Variants in CRYL1 observed in about 807,000 individuals in gnomAD.
CRYL1 encodes the protein lambda-crystallin homolog.
A neutral mutation model predicts 36.6 loss-of-function variants in CRYL1; 29 were observed. The observed-to-expected ratio is 0.79, with a 90% CI of 0.59 to 1.08. The LOEUF (loss-of-function observed/expected upper bound fraction) is 1.08, where lower values mean the gene tolerates loss of function less well. CRYL1 is among the 50% of genes least tolerant of loss of function. CRYL1 has a pLI of 0.00. For missense variants in CRYL1, 411 were observed against 407.9 expected (o/e 1.01, Z -0.06); for synonymous variants, 152 against 151.5 (o/e 1.00, Z -0.02).
At chr13:20,437,371 G>T (rs540961696) in intron 4 of CRYL1, among the ~76,000 whole-genome samples, 6 of 150,754 alleles carry the variant, frequency 4.0e-5, no homozygotes, top group African/African-American at 1.5e-4. Flanking sequence ...GCAGTGGCGC[G>T]ATCTCGGCTC....
At chr13:20,438,160 G>A (rs1054284731) in intron 4 of CRYL1, among the ~76,000 whole-genome samples, 1 of 152,098 alleles carries the variant, frequency 6.6e-6, no homozygotes, top group Non-Finnish European at 1.5e-5. Context: ...TATGTCCCAG[G>A]ACCATGCAGC....
intron 3 of CRYL1, among the ~76,000 whole-genome samples, chr13:20,449,652 C>T (rs777936765): frequency 2.6e-5 from 4 of 151,794 alleles, no homozygotes; most frequent in East Asian, 1.9e-4. Context: ...AAGAAGTAAT[C>T]GAATTTATTC....
chr13:20,457,438 T>C (rs913121815), intron 3 of CRYL1, among the ~76,000 whole-genome samples: 5 of 152,166 alleles, frequency 3.3e-5, no homozygotes, highest in Non-Finnish European at 7.4e-5. Context: ...TAATAATTAA[T>C]GAGACTTCAA....
At chr13:20,505,176 C>G (rs1291156593) in intron 2 of CRYL1, among the ~76,000 whole-genome samples, 1 of 151,864 alleles carries the variant, frequency 6.6e-6, no homozygotes, top group Non-Finnish European at 1.5e-5. Context: ...GCCAACATGG[C>G]AAAACCCCAT....
At chr13:20,522,569 G>C (rs186675657) in intron 1 of CRYL1, among the ~76,000 whole-genome samples, 3 of 152,126 alleles carry the variant, frequency 2.0e-5, no homozygotes, top group Non-Finnish European at 4.4e-5. Flanking sequence ...TTGGGACCAC[G>C]CATGGTGGAT....
At chr13:20,475,847 A>T (rs1565976918) in intron 3 of CRYL1, among the ~76,000 whole-genome samples, 1 of 152,210 alleles carries the variant, frequency 6.6e-6, no homozygotes, top group Non-Finnish European at 1.5e-5. Context: ...GCAAAGCAAG[A>T]AGCAAAAGGC....
intron 3 of CRYL1, among the ~76,000 whole-genome samples, chr13:20,476,608 C>A (rs2033172540): frequency 6.6e-6 from 1 of 152,208 alleles, no homozygotes; most frequent in Non-Finnish European, 1.5e-5. Context: ...GCTAGGTGAG[C>A]AGCAGGGAGC....
intron 2 of CRYL1, among the ~76,000 whole-genome samples, chr13:20,507,884 CT>C (rs2033830941): frequency 6.6e-6 from 1 of 150,504 alleles, no homozygotes; most frequent in South Asian, 2.1e-4. Flanking sequence ...AGCCACTGCA[CT>C]CCAGCCTGGG....
intron 5 of CRYL1, among the ~76,000 whole-genome samples, chr13:20,419,931 A>G (rs893564756): frequency 6.6e-6 from 1 of 152,220 alleles, no homozygotes; most frequent in Admixed American, 6.5e-5. Context: ...CACCCACGCC[A>G]CCTTCCAGGG....
chr13:20,507,070 G>A (rs995374393), intron 2 of CRYL1, among the ~76,000 whole-genome samples: 1 of 152,176 alleles, frequency 6.6e-6, no homozygotes, highest in Non-Finnish European at 1.5e-5. Flanking sequence ...CACTCTGTGA[G>A]ATGTGCCGTT....
In CRYL1 at chr13:20,492,679, C is replaced by T. The variant is rs546593012; in HGVS notation, c.150-3183G>A. Among the ~76,000 whole-genome samples the T allele has an allele frequency of 2.0e-5, 3 of 152,300 alleles. No homozygotes were observed. In the South Asian group the frequency reaches 6.2e-4, roughly 32 times the overall value. ...AGCCAGCTATTCCAGGATAATCTCC[C>T]CATCTTGCCATTCTTAATTCAATTA... On this transcript the variant is annotated intron_variant, in intron 2 of 7. Coordinates refer to ENST00000298248, the MANE Select transcript of CRYL1 (RefSeq NM_015974.3).
chr13:20,432,282 G>A lies in CRYL1; in HGVS notation c.453C>T (p.Tyr151=), dbSNP rs764026516. The A allele has an allele frequency of 1.9e-6, 3 of 1,612,154 alleles. No individual in the cohort carries two copies. The highest frequency in any genetic ancestry group is 3.3e-5 in the Admixed American group (2 of 59,902). ...GGACCAGCTCAACCAGCGGGATGTA[G>A]TATGGCGGATTCACCTTAGGAGAGA... The part of the protein sequence containing the change: ...CIVAHPVNPP[Y]YIPLVELVPH... Residue 151 remains tyrosine (Y), a synonymous_variant, in exon 5 of 8, where the codon TAC becomes TAT. Transcript: ENST00000298248.
intron 3 of CRYL1, among the ~76,000 whole-genome samples, chr13:20,451,228 A>T (rs1008871863): frequency 2.0e-4 from 30 of 151,996 alleles, no homozygotes; most frequent in African/African-American, 3.4e-4. Context: ...AATAATAATT[A>T]AAAAAAGGAA....
intron 5 of CRYL1, among the ~76,000 whole-genome samples, chr13:20,429,014 C>T (rs1410296514): frequency 2.0e-5 from 3 of 152,188 alleles, no homozygotes; most frequent in African/African-American, 7.2e-5. Context: ...GAAACAGAAG[C>T]GCCCACACCA....
At position 20,432,155 on chromosome 13, in the gene CRYL1, C is replaced by G. The variant is rs368163512; in HGVS notation, c.580G>C (p.Val194Leu). The G allele has an allele frequency of 6.2e-7, 1 of 1,614,116 alleles. No individual in the cohort carries two copies. The highest frequency in any genetic ancestry group is 8.5e-7 in the Non-Finnish European group (1 of 1,180,022). ...ATTGCATATTGCAGGCGGTTCAGAA[C>G]GAAGCCGGCCACCTCCTTCTGGACT... ...MRVQKEVAGF[V>L]LNRLQYAIIS... The change falls in exon 5 of 8, where the codon GTT (valine) becomes CTT (leucine). Residue 194 changes from valine (V) to leucine (L), a missense_variant. Coordinates refer to ENST00000298248, the MANE Select transcript of CRYL1 (RefSeq NM_015974.3).
chr13:20,525,723 AG>A lies in CRYL1; in HGVS notation c.41+30del, dbSNP rs1489541868. 6 of 1,343,012 alleles carry A rather than the reference AG, an allele frequency of 4.5e-6. No homozygotes were observed. The highest frequency in any genetic ancestry group is 3.0e-5 in the Admixed American group (1 of 33,338). The allele number at this position is 1,343,012 out of a possible 1,614,324, so 83.2% of individuals were successfully genotyped here. ...CGTCCCCGGCGTCTCCCCGGGCTCC[AG>A]GGGCAGCAGCGCGGCTCGGAGCCCT... On this transcript the variant is annotated intron_variant, in intron 1 of 7. Transcript: ENST00000298248. This position sits in a 1 kb window ranked among gnomAD's most constrained non-coding sequence, Gnocchi z 4.3.
In CRYL1 at chr13:20,508,341, A is replaced by ATG. The variant is rs2033841096; in HGVS notation, c.149+4100_149+4101dup. Among the ~76,000 whole-genome samples, 3 of 152,354 alleles carry ATG rather than the reference A, an allele frequency of 2.0e-5. No individual in the cohort carries two copies. In the South Asian group the frequency reaches 6.2e-4, roughly 32 times the overall value. ...CACCATTTCCAAAGTGGAGCTTGCT[A>ATG]TGCTCTTTAATACACAAATGTGGGA... On this transcript the variant is annotated intron_variant, in intron 2 of 7. Transcript: ENST00000298248.
At chr13:20,414,963 C>G (rs1383226726) in intron 5 of CRYL1, among the ~76,000 whole-genome samples, 1 of 152,214 alleles carries the variant, frequency 6.6e-6, no homozygotes, top group Non-Finnish European at 1.5e-5. Context: ...CTCATCTGAG[C>G]GCTGTCTTTC....
intron 3 of CRYL1, among the ~76,000 whole-genome samples, chr13:20,468,637 G>A (rs938027984): frequency 5.9e-5 from 9 of 151,798 alleles, no homozygotes; most frequent in Non-Finnish European, 1.0e-4. Context: ...GTGCAGTCTC[G>A]CTCTGTTGCC....
Sources: allele counts gnomAD v4.1 joint callset (sites outside exome capture counted in the v4.1 genomes callset), GRCh38; gene constraint gnomAD v4.1.1; non-coding constraint Gnocchi (gnomAD v3.1); transcripts MANE v1.5; gene names NCBI Gene and HGNC (gene_info 2026-07-23, HGNC 2026-07-21).